The following WDR70 variants were observed in gnomAD, a reference collection of about 807,000 sequenced individuals.
The protein encoded by WDR70 is WD repeat domain 70, also known as WD repeat-containing protein 70.
In WDR70, 53 loss-of-function variants were observed where a neutral mutation model predicts 88.6. The ratio of observed to expected loss-of-function variants is 0.60; its 90% CI spans 0.48 to 0.75. The LOEUF (loss-of-function observed/expected upper bound fraction) is 0.75. WDR70 is among the 30% of genes least tolerant of loss of function. WDR70 has a pLI of 0.00. For missense variants in WDR70, 610 were observed against 823.2 expected (o/e 0.74, Z 3.17); for synonymous variants, 280 against 270.0 (o/e 1.04, Z -0.36).
At chr5:37,602,397 C>A (rs763556399) in intron 9 of WDR70, among the ~76,000 whole-genome samples, 47 of 150,210 alleles carry the variant, frequency 3.1e-4, no homozygotes, top group Non-Finnish European at 5.8e-4. Flanking sequence ...TCGCTTGAGG[C>A]CAGAAGTTTG....
intron 4 of WDR70, among the ~76,000 whole-genome samples, chr5:37,395,640 T>C (rs926320919): frequency 6.6e-6 from 1 of 152,198 alleles, no homozygotes; most frequent in African/African-American, 2.4e-5. Context: ...TTAACTTCCT[T>C]ACATGACTGG....
At chr5:37,391,900 T>C (rs1748831257) in intron 3 of WDR70, 100 bp from the exon 4 acceptor site, 1 of 1,327,384 alleles carries the variant, frequency 7.5e-7, no homozygotes. Flanking sequence ...CTCTAAGTTA[T>C]ATCTTTGTGA....
chr5:37,530,706 C>G (rs1741454758), intron 9 of WDR70, among the ~76,000 whole-genome samples: 1 of 148,464 alleles, frequency 6.7e-6, no homozygotes, highest in Non-Finnish European at 1.5e-5. Context: ...CTTGGTTAAT[C>G]TTGCTAATGG....
At chr5:37,475,915 G>A (rs1202430498) in intron 7 of WDR70, among the ~76,000 whole-genome samples, 3 of 143,860 alleles carry the variant, frequency 2.1e-5, no homozygotes, top group African/African-American at 5.1e-5. Context: ...GCGTGATCTC[G>A]GCTCACTGCA....
chr5:37,603,825 A>T (rs1409462197), intron 9 of WDR70, among the ~76,000 whole-genome samples: 2 of 152,206 alleles, frequency 1.3e-5, no homozygotes, highest in Non-Finnish European at 2.9e-5. Context: ...TATGATAGCA[A>T]TTGCTTTAGA....
chr5:37,465,954 T>C (rs2112118673), intron 7 of WDR70, among the ~76,000 whole-genome samples: 1 of 152,180 alleles, frequency 6.6e-6, no homozygotes, highest in East Asian at 1.9e-4. Context: ...TTATTTGCTT[T>C]CCATTTATAT....
At chr5:37,414,806 AT>A (rs1554137930) in intron 5 of WDR70, among the ~76,000 whole-genome samples, 2 of 148,900 alleles carry the variant, frequency 1.3e-5, no homozygotes, top group Non-Finnish European at 3.0e-5. Context: ...ATTTTTATTG[AT>A]CATTCTTGGG....
At chr5:37,507,044 C>A (rs1561879758) in intron 8 of WDR70, among the ~76,000 whole-genome samples, 1 of 152,104 alleles carries the variant, frequency 6.6e-6, no homozygotes, top group Non-Finnish European at 1.5e-5. Context: ...GGCCAGTCTT[C>A]CTACTACTAC....
chr5:37,388,159 G>A (rs1178789687), intron 3 of WDR70, among the ~76,000 whole-genome samples: 8 of 151,592 alleles, frequency 5.3e-5, no homozygotes, highest in African/African-American at 1.2e-4. Flanking sequence ...TCTCTCTGTC[G>A]CCCAGGCTAG....
intron 10 of WDR70, among the ~76,000 whole-genome samples, chr5:37,636,936 T>G (rs1437715879): frequency 6.6e-6 from 1 of 151,392 alleles, no homozygotes; most frequent in Admixed American, 6.6e-5. Context: ...TACTCTTCTG[T>G]TTTTTTTGAT....
At chr5:37,594,945 T>C (rs1253611506) in intron 9 of WDR70, among the ~76,000 whole-genome samples, 1 of 152,214 alleles carries the variant, frequency 6.6e-6, no homozygotes, top group Non-Finnish European at 1.5e-5. Flanking sequence ...TATGTTTGTC[T>C]TTTATTTGTG....
intron 10 of WDR70, among the ~76,000 whole-genome samples, chr5:37,665,871 T>C: frequency 6.6e-6 from 1 of 152,186 alleles, no homozygotes; most frequent in East Asian, 1.9e-4. Context: ...CAGCATCCTC[T>C]TTTCCCTGGC....
chr5:37,531,487 T>C (rs1372991701), intron 9 of WDR70, among the ~76,000 whole-genome samples: 1 of 152,050 alleles, frequency 6.6e-6, no homozygotes, highest in Non-Finnish European at 1.5e-5. Flanking sequence ...TACATATATA[T>C]TTATTTAGAA....
At chr5:37,493,566 T>G (rs1245630681) in intron 8 of WDR70, among the ~76,000 whole-genome samples, 1 of 152,208 alleles carries the variant, frequency 6.6e-6, no homozygotes, top group African/African-American at 2.4e-5. Flanking sequence ...ACAGTTCTAC[T>G]AACATCCTGA....
chr5:37,744,669 A>C (rs1230375621), intron 17 of WDR70, among the ~76,000 whole-genome samples: 1 of 151,820 alleles, frequency 6.6e-6, no homozygotes, highest in Non-Finnish European at 1.5e-5. Context: ...TCAACCAAGC[A>C]GAAGAAAGGA....
intron 10 of WDR70, among the ~76,000 whole-genome samples, chr5:37,669,135 A>C (rs1027188550): frequency 1.5e-4 from 23 of 152,202 alleles, no homozygotes; most frequent in Admixed American, 2.6e-4. Flanking sequence ...AATTATTTCA[A>C]GAAAATTCTG....
At chr5:37,527,042 A>T (rs903378270) in intron 9 of WDR70, among the ~76,000 whole-genome samples, 1 of 152,226 alleles carries the variant, frequency 6.6e-6, no homozygotes, top group African/African-American at 2.4e-5. Context: ...TATCATGAAA[A>T]TGGCCATACT....
intron 9 of WDR70, among the ~76,000 whole-genome samples, chr5:37,524,743 C>T (rs564812133): frequency 9.9e-5 from 15 of 152,152 alleles, no homozygotes; most frequent in African/African-American, 3.6e-4. Context: ...ACCCATCTCA[C>T]GTGCAGAGAC....
intron 3 of WDR70, among the ~76,000 whole-genome samples, chr5:37,387,454 A>AT (rs1387056029): frequency 6.6e-6 from 1 of 152,114 alleles, no homozygotes; most frequent in Non-Finnish European, 1.5e-5. Context: ...ATCTCCTTTG[A>AT]TTTTTGTGGA....
Sources: gnomAD v4.1 joint callset for allele counts (sites outside exome capture counted in the v4.1 genomes callset) on GRCh38, gnomAD v4.1.1 for gene constraint, MANE v1.5 for transcripts, NCBI Gene and HGNC (gene_info 2026-07-23, HGNC 2026-07-21) for gene names.